Variants in CFAP57 observed in about 807,000 individuals in gnomAD.
The protein encoded by CFAP57 is cilia- and flagella-associated protein 57.
In CFAP57, 116 loss-of-function variants were observed where a neutral mutation model predicts 146.8. The observed-to-expected ratio is 0.79, with a 90% confidence interval of 0.68 to 0.92. The LOEUF is 0.92. CFAP57 is among the 40% of genes least tolerant of loss of function. The probability of loss-of-function intolerance (pLI) is 0.00; values close to 1 mark genes in which losing one functional copy is unlikely to be tolerated. For synonymous variants in CFAP57, 518 were observed against 552.8 expected, an observed-to-expected ratio of 0.94 and a Z score of 0.88; for missense variants, 1,377 against 1,527.2, an observed-to-expected ratio of 0.90 and a Z score of 1.64.
At position 43,238,259 on chromosome 1, in the gene CFAP57, G is replaced by GAC. The variant is rs1238959615; in HGVS notation, c.3405+3622_3405+3623dup. 1.3e-5 allele frequency among the ~76,000 whole-genome samples: 2 copies of GAC among 152,156 alleles called. No homozygotes were observed. The highest frequency in any genetic ancestry group is 2.9e-5 in the Non-Finnish European group (2 of 68,028). ...GGTACTGCCATATTCTAAAGGCATCGACTCAGGCCATGCCATTAGGGGGTG... is the reference window on the plus strand; with the variant it reads ...GGTACTGCCATATTCTAAAGGCATCGACACTCAGGCCATGCCATTAGGGGGTG... On this transcript the variant is annotated intron_variant, in intron 21 of 22. Coordinates refer to ENST00000372492, the MANE Select transcript of CFAP57 (RefSeq NM_001378189.1). This position sits in a 1 kb window ranked among gnomAD's most constrained non-coding sequence, Gnocchi z 4.3.
intron 7 of CFAP57, among the ~76,000 whole-genome samples, chr1:43,197,952 C>T (rs1222561910): frequency 6.6e-6 from 1 of 152,210 alleles, no homozygotes; most frequent in Admixed American, 6.5e-5. Flanking sequence ...CAGTCTCTCA[C>T]CTTCTTACAT....
intron 5 of CFAP57, among the ~76,000 whole-genome samples, chr1:43,185,913 G>A (rs911121612): frequency 6.6e-6 from 1 of 151,390 alleles, no homozygotes; most frequent in African/African-American, 2.4e-5. Context: ...TTGAGACTCT[G>A]TCTCAAAAAA....
At chr1:43,216,726 G>A (rs613560) in intron 12 of CFAP57, among the ~76,000 whole-genome samples, 2 of 151,856 alleles carry the variant, frequency 1.3e-5, no homozygotes, top group East Asian at 1.9e-4. Context: ...CTCTTCCTCC[G>A]CCTGTCCCTT....
intron 9 of CFAP57, among the ~76,000 whole-genome samples, chr1:43,203,692 C>T (rs1644233350): frequency 6.6e-6 from 1 of 152,172 alleles, no homozygotes; most frequent in Non-Finnish European, 1.5e-5. Flanking sequence ...ATCTCTTCAC[C>T]TCATGATCCA....
At chr1:43,229,198 T>C (rs551350143) in intron 18 of CFAP57, among the ~76,000 whole-genome samples, 8 of 149,146 alleles carry the variant, frequency 5.4e-5, no homozygotes, top group Non-Finnish European at 1.2e-4. Context: ...GACACATTTG[T>C]CAGCTGCATT....
chr1:43,203,556 G>A (rs958078787), intron 9 of CFAP57, among the ~76,000 whole-genome samples: 2 of 152,306 alleles, frequency 1.3e-5, no homozygotes, highest in African/African-American at 4.8e-5. Flanking sequence ...TGCCTCCTGG[G>A]TTCAAACGAT....
chr1:43,173,137 C>A (rs1378311319), intron 2 of CFAP57, among the ~76,000 whole-genome samples: 1 of 152,096 alleles, frequency 6.6e-6, no homozygotes, highest in African/African-American at 2.4e-5. Context: ...GTACTTTTTT[C>A]ACTGTAATTT....
chr1:43,248,144 A>G (rs1333753367), intron 22 of CFAP57, among the ~76,000 whole-genome samples: 1 of 150,462 alleles, frequency 6.6e-6, no homozygotes, highest in Non-Finnish European at 1.5e-5. Context: ...GTCTCAAAAA[A>G]AAAAAAAAAA....
At chr1:43,186,669 T>C (rs963468260) in intron 5 of CFAP57, 38 bp from the exon 6 acceptor site, 1 of 1,597,458 alleles carries the variant, frequency 6.3e-7, no homozygotes, top group Non-Finnish European at 8.6e-7. Context: ...AATGACAACG[T>C]GGGGACATTA....
At position 43,224,752 on chromosome 1, in the gene CFAP57, A is replaced by G. The variant is rs959734549; in HGVS notation, c.2865+548A>G. Among the ~76,000 whole-genome samples the G allele has an allele frequency of 9.2e-5, 14 of 152,308 alleles. No homozygotes were observed. The East Asian group carries it at 2.7e-3, about 29-fold the overall frequency. ...ACCTCAATACCCAGTATGTAGTATC[A>G]TCCTCCTGAGCACATCCAGATTCCG... On this transcript the variant is annotated intron_variant, in intron 17 of 22. Coordinates refer to ENST00000372492, the MANE Select transcript of CFAP57 (RefSeq NM_001378189.1).
At chr1:43,203,549 C>T (rs1644226289) in intron 9 of CFAP57, among the ~76,000 whole-genome samples, 1 of 152,166 alleles carries the variant, frequency 6.6e-6, no homozygotes, top group Non-Finnish European at 1.5e-5. Flanking sequence ...CAACCTCTGC[C>T]TCCTGGGTTC....
chr1:43,216,524 C>A (rs1211206746), intron 12 of CFAP57, among the ~76,000 whole-genome samples: 1 of 152,076 alleles, frequency 6.6e-6, no homozygotes, highest in Non-Finnish European at 1.5e-5. Context: ...CAGGCTGAAC[C>A]AAAGGCCTGA....
chr1:43,199,534 A>G, intron 9 of CFAP57, 31 bp downstream of exon 9: 1 of 1,605,408 alleles, frequency 6.2e-7, no homozygotes, highest in East Asian at 2.2e-5. Context: ...TGGGGAAACA[A>G]GGGGCACGGA....
In CFAP57 at chr1:43,201,104, G is replaced by C. The variant is rs1450612981; in HGVS notation, c.1542+1601G>C. Among the ~76,000 whole-genome samples the C allele has an allele frequency of 6.6e-6, 1 of 152,158 alleles. No homozygotes were observed. The highest frequency in any genetic ancestry group is 1.9e-4 in the East Asian group (1 of 5,196). On this transcript the variant is annotated intron_variant, in intron 9 of 22. Coordinates refer to ENST00000372492, the MANE Select transcript of CFAP57 (RefSeq NM_001378189.1). The surrounding 1 kb of genome is among the most constrained non-coding windows in gnomAD (Gnocchi z 4.4). ...TGATGTATGTGTGTGGAGGTCAGGAGAGAAGTCAGGGCTGAGTATGAAGAT... is the reference window on the plus strand; with the variant it reads ...TGATGTATGTGTGTGGAGGTCAGGACAGAAGTCAGGGCTGAGTATGAAGAT...
intron 22 of CFAP57, among the ~76,000 whole-genome samples, chr1:43,252,163 T>C (rs1244256353): frequency 6.6e-6 from 1 of 152,108 alleles, no homozygotes; most frequent in Non-Finnish European, 1.5e-5. Flanking sequence ...AGGATATCTG[T>C]TTTAAAAACA....
intron 21 of CFAP57, among the ~76,000 whole-genome samples, chr1:43,240,125 T>C (rs1465154470): frequency 2.0e-5 from 3 of 152,202 alleles, no homozygotes; most frequent in Admixed American, 6.5e-5. Context: ...ATCACTGTTA[T>C]GAGACAATTT....
At chr1:43,213,896 T>A (rs1366038194) in intron 11 of CFAP57, among the ~76,000 whole-genome samples, 3 of 151,814 alleles carry the variant, frequency 2.0e-5, no homozygotes, top group African/African-American at 7.3e-5. Context: ...CACTTTTTTT[T>A]TTTTTTTGAG....
chr1:43,220,940 C>T (rs560598135), intron 13 of CFAP57, among the ~76,000 whole-genome samples: 2 of 152,256 alleles, frequency 1.3e-5, no homozygotes, highest in South Asian at 4.1e-4. Context: ...GAAGATGGCA[C>T]ACCACCTCCA....
intron 6 of CFAP57, among the ~76,000 whole-genome samples, chr1:43,190,098 C>T (rs1292081862): frequency 6.6e-6 from 1 of 152,118 alleles, no homozygotes; most frequent in Non-Finnish European, 1.5e-5. Context: ...AAGATCATGA[C>T]ATCTGCAATA....
Sources: gnomAD v4.1 joint callset for allele counts (sites outside exome capture counted in the v4.1 genomes callset) on GRCh38, gnomAD v4.1.1 for gene constraint, Gnocchi (gnomAD v3.1) non-coding constraint, MANE v1.5 for transcripts, NCBI Gene and HGNC (gene_info 2026-07-23, HGNC 2026-07-21) for gene names.